Variants in NLRP13 observed in about 807,000 individuals in gnomAD.
NLRP13 encodes NLR family pyrin domain containing 13, also known as NACHT, LRR and PYD domains-containing protein 13.
A neutral mutation model predicts 94.4 loss-of-function variants in NLRP13; 82 were observed. The ratio of observed to expected loss-of-function variants is 0.87; its 90% CI spans 0.73 to 1.04. The LOEUF (loss-of-function observed/expected upper bound fraction) is 1.04. Ranked by LOEUF, NLRP13 falls within the 50% of genes least tolerant of loss-of-function variation. The probability of loss-of-function intolerance (pLI) is 0.00; values close to 1 mark genes in which losing one functional copy is unlikely to be tolerated. For missense variants in NLRP13, 1,426 were observed against 1,230.8 expected (o/e 1.16, Z -2.37); for synonymous variants, 553 against 464.7 (o/e 1.19, Z -2.45).
downstream of NLRP13, chr19:55,891,970 G>C (rs577253793): frequency 3.1e-5 from 18 of 577,430 alleles, no homozygotes; most frequent in Non-Finnish European, 4.3e-5. Context: ...CAAGATCCAT[G>C]GTCAAGCCAC....
rs369393061 is a variant in NLRP13, at chr19:55,898,923, G to T, written c.2804C>A (p.Ser935Tyr). The part of the protein sequence containing the change: ...NLQSLNLSGC[S>Y]FTREGCGELA... ...CTCTCCACAGCCCTCTCTTGTGAAAGAACAACCTGACAAACTGCAAAATAA... is the reference window on the plus strand; with the variant it reads ...CTCTCCACAGCCCTCTCTTGTGAAATAACAACCTGACAAACTGCAAAATAA... The change falls in exon 10 of 11, where the codon TCT becomes TAT. Residue 935 changes from serine (S) to tyrosine (Y), a missense_variant. By Grantham distance (144) the Ser-to-Tyr change is moderately radical. Coordinates refer to ENST00000342929, the MANE Select transcript of NLRP13 (RefSeq NM_176810.2). 1 of 1,605,402 alleles carries T rather than the reference G, an allele frequency of 6.2e-7. No individual in the cohort carries two copies. The highest frequency in any genetic ancestry group is 8.5e-7 in the Non-Finnish European group (1 of 1,177,570).
At chr19:55,918,850 G>T (rs1417434987) in intron 4 of NLRP13, among the ~76,000 whole-genome samples, 1 of 152,038 alleles carries the variant, frequency 6.6e-6, no homozygotes, top group Non-Finnish European at 1.5e-5. Flanking sequence ...ATGTTGGAGA[G>T]GAGGGAGTGC....
In NLRP13 at chr19:55,911,736, T is replaced by C; in HGVS notation, c.2081A>G (p.His694Arg). 6.2e-7 allele frequency: 1 copy of C among 1,609,188 alleles called. No homozygotes were observed. The highest frequency in any genetic ancestry group is 8.5e-7 in the Non-Finnish European group (1 of 1,177,672). The change falls in exon 5 of 11, where the codon CAC becomes CGC. Residue 694 changes from histidine to arginine, a missense_variant. Coordinates refer to ENST00000342929, the MANE Select transcript of NLRP13 (RefSeq NM_176810.2). ...LNKLRLSVSS[H>R]ILERDLEILE... ...AATTTCCAAGTCCCTTTCAAGGATG[T>C]GACTGCTAACAGAAAGCCTTAGCTT...
At chr19:55,925,716 T>C (rs1986950874) in intron 1 of NLRP13, among the ~76,000 whole-genome samples, 1 of 152,202 alleles carries the variant, frequency 6.6e-6, no homozygotes, top group Non-Finnish European at 1.5e-5. Context: ...TACTGTGTAG[T>C]ACATAGCTGC....
chr19:55,905,035 C>A lies in NLRP13; in HGVS notation c.2525G>T (p.Arg842Leu). ...LFLTSIQHVT[R>L]LCLGFNRLQD... is the part of the protein sequence containing the mutation. ...GAGCCGATTAAATCCCAGGCACAATCGAGTTACGTGTTGGATGCTGGTGAG... is the reference window on the plus strand; with the variant it reads ...GAGCCGATTAAATCCCAGGCACAATAGAGTTACGTGTTGGATGCTGGTGAG... Residue 842 changes from arginine to leucine, a missense_variant, in exon 8 of 11, where the codon CGA becomes CTA. By Grantham distance (102) the Arg-to-Leu change is moderately radical. Transcript: ENST00000342929. The A allele has an allele frequency of 1.2e-6, 2 of 1,613,810 alleles. No homozygotes were observed. The highest frequency in any genetic ancestry group is 1.7e-6 in the Non-Finnish European group (2 of 1,179,976).
chr19:55,928,958 A>G (rs943107889), intron 1 of NLRP13, among the ~76,000 whole-genome samples: 1 of 152,214 alleles, frequency 6.6e-6, no homozygotes. Flanking sequence ...TCTCATCAAA[A>G]AGTGGGCGAA....
chr19:55,908,518 A>G (rs1986417693), intron 6 of NLRP13, among the ~76,000 whole-genome samples: 1 of 152,212 alleles, frequency 6.6e-6, no homozygotes, highest in Admixed American at 6.5e-5. Flanking sequence ...CAGGAAATCA[A>G]CCTAAATTCT....
At chr19:55,925,242 GC>G (rs1986940041) in intron 1 of NLRP13, among the ~76,000 whole-genome samples, 1 of 152,234 alleles carries the variant, frequency 6.6e-6, no homozygotes, top group Non-Finnish European at 1.5e-5. Flanking sequence ...GCACATTCCT[GC>G]CTCAGGGCCT....
At chr19:55,898,340 G>T (rs532231284) in intron 10 of NLRP13, among the ~76,000 whole-genome samples, 1 of 151,868 alleles carries the variant, frequency 6.6e-6, no homozygotes, top group African/African-American at 2.4e-5. Context: ...CTCCTGAGTA[G>T]CTGGGACTAC....
chr19:55,920,109 G>A (rs971775595), intron 4 of NLRP13, among the ~76,000 whole-genome samples: 3 of 152,112 alleles, frequency 2.0e-5, no homozygotes, highest in East Asian at 3.9e-4. Context: ...AACGGTGCTG[G>A]GAAAACTGGC....
chr19:55,891,938 G>C, downstream of NLRP13: 1 of 411,618 alleles, frequency 2.4e-6, no homozygotes, highest in Non-Finnish European at 4.2e-6. Flanking sequence ...ACACAGGCCA[G>C]GATGTCCTGG....
intron 10 of NLRP13, 120 bp downstream of exon 10, chr19:55,898,650 T>A (rs965552646): frequency 1.3e-5 from 15 of 1,116,464 alleles, no homozygotes; most frequent in Non-Finnish European, 1.6e-5. Flanking sequence ...TGGGTGAGAT[T>A]TCTTAGATGG....
chr19:55,927,899 TC>T (rs1231813667), intron 1 of NLRP13, among the ~76,000 whole-genome samples: 1 of 152,062 alleles, frequency 6.6e-6, no homozygotes, highest in Non-Finnish European at 1.5e-5. Context: ...AAGCCAATAG[TC>T]CCCAAAAGAC....
At chr19:55,899,693 T>C (rs1986112326) in intron 9 of NLRP13, among the ~76,000 whole-genome samples, 1 of 152,038 alleles carries the variant, frequency 6.6e-6, no homozygotes, top group Non-Finnish European at 1.5e-5. Flanking sequence ...GGCAGGAGAA[T>C]AGCTTAAACC....
intron 1 of NLRP13, among the ~76,000 whole-genome samples, chr19:55,927,646 A>G (rs1050935796): frequency 2.6e-5 from 4 of 152,060 alleles, no homozygotes; most frequent in African/African-American, 9.7e-5. Context: ...TCCATAAACC[A>G]CCAGGGCAAG....
At chr19:55,927,430 T>G (rs1241458119) in intron 1 of NLRP13, among the ~76,000 whole-genome samples, 1 of 147,660 alleles carries the variant, frequency 6.8e-6, no homozygotes, top group African/African-American at 2.6e-5. Flanking sequence ...TATTCTCCTT[T>G]GCCTGTGAAA....
chr19:55,899,881 ACAGT>A (rs1368035455), intron 9 of NLRP13, among the ~76,000 whole-genome samples: 1 of 152,138 alleles, frequency 6.6e-6, no homozygotes, highest in South Asian at 2.1e-4. Context: ...CAAATCAAAG[ACAGT>A]CAGATTTCCC....
At chr19:55,924,159 G>A (rs1189691431) in intron 3 of NLRP13, among the ~76,000 whole-genome samples, 180 bp from the exon 4 acceptor site, 1 of 152,142 alleles carries the variant, frequency 6.6e-6, no homozygotes, top group African/African-American at 2.4e-5. Context: ...GTCTCACTCT[G>A]TTGCCCACGC....
intron 4 of NLRP13, 92 bp from the exon 5 acceptor site, chr19:55,913,385 A>G: frequency 5.9e-6 from 8 of 1,365,476 alleles, no homozygotes; most frequent in South Asian, 4.3e-5. Flanking sequence ...AAAGACTTGA[A>G]TAAGAGAAAC....
Sources: allele counts gnomAD v4.1 joint callset (sites outside exome capture counted in the v4.1 genomes callset), GRCh38; gene constraint gnomAD v4.1.1; transcripts MANE v1.5; gene names NCBI Gene and HGNC (gene_info 2026-07-23, HGNC 2026-07-21).